The following ATG7 variants were observed in gnomAD, a reference collection of about 807,000 sequenced individuals.
The protein encoded by ATG7 is ubiquitin-like modifier-activating enzyme ATG7.
Under a neutral mutation model 82.4 loss-of-function variants are expected in ATG7, and 70 were observed. The ratio of observed to expected loss-of-function variants is 0.85; its 90% CI spans 0.70 to 1.04. ATG7 has a LOEUF of 1.04. ATG7 is among the 50% of genes least tolerant of loss of function. The pLI is 0.00. For synonymous variants in ATG7, 287 were observed against 313.0 expected (o/e 0.92, Z 0.88); for missense variants, 792 against 864.3 (o/e 0.92, Z 1.05).
intron 19 of ATG7, among the ~76,000 whole-genome samples, chr3:11,410,373 C>G (rs957589975): frequency 1.3e-5 from 2 of 150,834 alleles, no homozygotes; most frequent in African/African-American, 5.0e-5. Flanking sequence ...AACATCAATT[C>G]AGAAATTTGT....
chr3:11,429,148 T>C (rs113427304), intron 20 of ATG7, among the ~76,000 whole-genome samples: 4 of 152,348 alleles, frequency 2.6e-5, no homozygotes, highest in African/African-American at 7.2e-5. Context: ...TGCAGGTATG[T>C]ATTTTTTGGC....
In ATG7 at chr3:11,528,098, C is replaced by A. The variant is rs186310322; in HGVS notation, c.2080-26713C>A. Among the ~76,000 whole-genome samples the A allele has an allele frequency of 1.8e-4, 28 of 152,314 alleles. 1 individual carries two copies. In the East Asian group the frequency reaches 5.0e-3, roughly 27 times the overall value. ...GTTGCCTTCTCATGTTGGGGACCAA[C>A]ATGAGAAGTAAACGAACAACTTAAT... On this transcript the variant is annotated intron_variant, in intron 20 of 20. Coordinates refer to ENST00000693202, the MANE Select transcript of ATG7 (RefSeq NM_001349232.2).
intron 20 of ATG7, among the ~76,000 whole-genome samples, chr3:11,432,397 T>G (rs146914860): frequency 1.3e-5 from 2 of 152,312 alleles, no homozygotes; most frequent in African/African-American, 4.8e-5. Context: ...ATTAAAAAAT[T>G]TAAGTACCAC....
intron 20 of ATG7, among the ~76,000 whole-genome samples, chr3:11,427,224 C>T (rs1200962231): frequency 6.6e-6 from 1 of 152,054 alleles, no homozygotes; most frequent in African/African-American, 2.4e-5. Context: ...TGTGTATGAC[C>T]ATTGGAGAGA....
intron 20 of ATG7, among the ~76,000 whole-genome samples, chr3:11,497,997 C>G (rs764671537): frequency 7.9e-5 from 12 of 152,040 alleles, no homozygotes; most frequent in Non-Finnish European, 1.5e-4. Context: ...TTTAATATTT[C>G]TTTGCATCAC....
At chr3:11,469,384 G>C (rs1472838713) in intron 20 of ATG7, among the ~76,000 whole-genome samples, 1 of 152,092 alleles carries the variant, frequency 6.6e-6, no homozygotes, top group Non-Finnish European at 1.5e-5. Flanking sequence ...GGGAGGTGGA[G>C]GTTGCGGTGA....
chr3:11,316,557 G>A (rs1433201945), intron 9 of ATG7, among the ~76,000 whole-genome samples: 2 of 152,120 alleles, frequency 1.3e-5, no homozygotes, highest in Non-Finnish European at 1.5e-5. Context: ...TTTATTCCCT[G>A]ATCCTCATTT....
At chr3:11,543,703 C>G (rs1427109515) in intron 20 of ATG7, among the ~76,000 whole-genome samples, 1 of 152,202 alleles carries the variant, frequency 6.6e-6, no homozygotes, top group African/African-American at 2.4e-5. Flanking sequence ...AGTTGGAGAC[C>G]AGCCTGGCCA....
In ATG7 at chr3:11,442,739, C is replaced by CAAA. The variant is rs57073881; in HGVS notation, c.2079+15843_2079+15845dup. ...GCAGCATAGTGAGACTCCATCTCTA[C>CAAA]AAAAAAAAAAAAAAAAAAAAAAAAA... On this transcript the variant is annotated intron_variant, in intron 20 of 20. Coordinates refer to ENST00000693202, the MANE Select transcript of ATG7 (RefSeq NM_001349232.2). Among the ~76,000 whole-genome samples, 241 of 69,240 alleles carry CAAA rather than the reference C, an allele frequency of 3.5e-3. 20 individuals carry two copies. The highest frequency in any genetic ancestry group is 9.2e-3 in the African/African-American group (161 of 17,594). 45.4% of individuals were successfully genotyped at this position (69,240 alleles called of 152,430 possible).
chr3:11,360,233 G>C (rs998981908), intron 15 of ATG7, among the ~76,000 whole-genome samples: 1 of 152,164 alleles, frequency 6.6e-6, no homozygotes, highest in South Asian at 2.1e-4. Context: ...TTTTAATAGA[G>C]ACAGGGTTTC....
At chr3:11,411,506 G>T (rs575650277) in intron 19 of ATG7, among the ~76,000 whole-genome samples, 1 of 150,874 alleles carries the variant, frequency 6.6e-6, no homozygotes, top group East Asian at 2.0e-4. Flanking sequence ...CTGAGTCTCA[G>T]CTACTCAGGA....
intron 18 of ATG7, among the ~76,000 whole-genome samples, chr3:11,365,437 A>G (rs1022042622): frequency 2.0e-5 from 3 of 152,302 alleles, no homozygotes; most frequent in African/African-American, 7.2e-5. Context: ...TTTAGAATTC[A>G]TGTTGCCTCT....
At chr3:11,541,498 C>T (rs2070831836) in intron 20 of ATG7, among the ~76,000 whole-genome samples, 1 of 152,186 alleles carries the variant, frequency 6.6e-6, no homozygotes, top group African/African-American at 2.4e-5. Flanking sequence ...GTTACTTGGT[C>T]TCCGATGGTC....
Position 11,378,027 on chromosome 3 carries a change from A to ATTTTTTTTTTTTTTTTTTTTTTTT in ATG7, c.1876-1927_1876-1926insTTTTTTTTTTTTTTTTTTTTTTTT, listed in dbSNP as rs61176051. ...GCTATCTAACTTATACCAGTTACCAATTTTTTTTTTTTTTTTTTGAGATGG... is the reference window on the plus strand; with the variant it reads ...GCTATCTAACTTATACCAGTTACCAATTTTTTTTTTTTTTTTTTTTTTTTTTTTTTTTTTTTTTTTTTGAGATGG... On this transcript the variant is annotated intron_variant, in intron 18 of 20. Coordinates refer to ENST00000693202, the MANE Select transcript of ATG7 (RefSeq NM_001349232.2). Among the ~76,000 whole-genome samples, 118 of 92,718 alleles carry ATTTTTTTTTTTTTTTTTTTTTTTT rather than the reference A, an allele frequency of 1.3e-3. 19 individuals are homozygous for ATTTTTTTTTTTTTTTTTTTTTTTT. The highest frequency in any genetic ancestry group is 4.1e-3 in the African/African-American group (77 of 18,712). The allele number at this position is 92,718 out of a possible 152,430, so 60.8% of individuals were successfully genotyped here.
At chr3:11,529,200 G>A (rs2092646007) in intron 20 of ATG7, among the ~76,000 whole-genome samples, 1 of 152,190 alleles carries the variant, frequency 6.6e-6, no homozygotes, top group Non-Finnish European at 1.5e-5. Flanking sequence ...TCCAAAGCCA[G>A]CCAGGTTGAA....
chr3:11,432,869 C>T (rs1216109150), intron 20 of ATG7, among the ~76,000 whole-genome samples: 1 of 152,098 alleles, frequency 6.6e-6, no homozygotes, highest in South Asian at 2.1e-4. Flanking sequence ...GGAGATAGAT[C>T]CTGACTCCCT....
At chr3:11,436,014 C>T (rs560961422) in intron 20 of ATG7, among the ~76,000 whole-genome samples, 2 of 152,094 alleles carry the variant, frequency 1.3e-5, no homozygotes, top group South Asian at 4.2e-4. Flanking sequence ...GTGAGTGTAT[C>T]GTTTGAGCCC....
intron 1 of ATG7, among the ~76,000 whole-genome samples, chr3:11,272,913 C>G (rs1940802982): frequency 1.3e-5 from 2 of 152,196 alleles, no homozygotes; most frequent in African/African-American, 2.4e-5. Context: ...AGAAGATTCT[C>G]GATTCCTTGG....
intron 19 of ATG7, among the ~76,000 whole-genome samples, chr3:11,386,243 A>G (rs575836517): frequency 2.6e-5 from 4 of 152,182 alleles, no homozygotes; most frequent in Non-Finnish European, 5.9e-5. Context: ...ATTAGCTTTT[A>G]TATTTTATAT....
Sources: allele counts gnomAD v4.1 joint callset (sites outside exome capture counted in the v4.1 genomes callset), GRCh38; gene constraint gnomAD v4.1.1; transcripts MANE v1.5; gene names NCBI Gene and HGNC (gene_info 2026-07-23, HGNC 2026-07-21).